Variants in FLCN observed in about 807,000 individuals in gnomAD.
The protein encoded by FLCN is folliculin, also known as BHD skin lesion fibrofolliculoma protein.
In FLCN, 22 loss-of-function variants were observed where a neutral mutation model predicts 62.5. The observed-to-expected ratio is 0.35, with a 90% CI of 0.25 to 0.50. The LOEUF is 0.50. Ranked by LOEUF, FLCN falls within the 20% of genes least tolerant of loss-of-function variation. The probability of loss-of-function intolerance (pLI) is 0.97; values close to 1 mark genes in which losing one functional copy is unlikely to be tolerated. For synonymous variants in FLCN, 319 were observed against 310.0 expected (o/e 1.03, Z -0.30); for missense variants, 657 against 778.0 (o/e 0.84, Z 1.85).
In FLCN at chr17:17,215,242, A is replaced by C. The variant is rs1229110607; in HGVS notation, c.1375T>G (p.Ser459Ala). The C allele has an allele frequency of 1.2e-6, 2 of 1,614,186 alleles. No individual in the cohort carries two copies. Among genetic ancestry groups the C allele is most frequent in the Non-Finnish European group, 1.7e-6 (2 of 1,180,042 alleles). The change falls in exon 12 of 14, where the codon TCT becomes GCT. Residue 459 changes from serine to alanine, a missense_variant. By Grantham distance (99) the Ser-to-Ala change is moderately conservative (BLOSUM62 1). Transcript: ENST00000285071. ...ACCACAAACTCGTACTTGCTGAGAGACTGGTCATCCTCACACCCCACAGGG... is the reference window on the plus strand; with the variant it reads ...ACCACAAACTCGTACTTGCTGAGAGCCTGGTCATCCTCACACCCCACAGGG... ...LHPVGCEDDQ[S>A]LSKYEFVVTS...
At chr17:17,221,021 G>A in intron 8 of FLCN, 1 of 557,852 alleles carries the variant, frequency 1.8e-6, no homozygotes, top group Non-Finnish European at 2.9e-6. Context: ...GGAAAGCTTG[G>A]CCAAGACTGG....
chr17:17,226,610 C>A (rs1708620), intron 4 of FLCN, among the ~76,000 whole-genome samples: 3 of 151,898 alleles, frequency 2.0e-5, no homozygotes, highest in African/African-American at 7.3e-5. Flanking sequence ...ATCCCAAGTG[C>A]CACCCTCTGA....
At chr17:17,235,288 A>G (rs2047550962) in intron 1 of FLCN, 1 of 152,060 alleles carries the variant, frequency 6.6e-6, no homozygotes, top group South Asian at 2.1e-4. Flanking sequence ...TTCAAAAAAT[A>G]CAAAATACGA....
intron 1 of FLCN, among the ~76,000 whole-genome samples, chr17:17,233,173 G>A (rs2047472156): frequency 6.6e-6 from 1 of 152,094 alleles, no homozygotes; most frequent in Admixed American, 6.5e-5. Flanking sequence ...GGGTCTTGAG[G>A]CCAGCTCAGT....
At chr17:17,214,318 A>G (rs1030678239) in intron 13 of FLCN, among the ~76,000 whole-genome samples, 4 of 151,216 alleles carry the variant, frequency 2.6e-5, no homozygotes, top group East Asian at 1.9e-4. Flanking sequence ...CCGGGGGGCC[A>G]GGTGCAGTGG....
intron 9 of FLCN, among the ~76,000 whole-genome samples, chr17:17,217,937 C>A (rs189059119): frequency 6.6e-6 from 1 of 152,254 alleles, no homozygotes; most frequent in African/African-American, 2.4e-5. Context: ...AATTCCAGAC[C>A]CCTTCCAACC....
At position 17,223,800 on chromosome 17, in the gene FLCN, C is replaced by A. The variant is rs568614819; in HGVS notation, c.618+122G>T. The A allele has an allele frequency of 2.7e-5, 26 of 979,600 alleles. No individual in the cohort carries two copies. The Middle Eastern group carries it at 8.8e-4, about 33-fold the overall frequency. 60.7% of individuals were successfully genotyped at this position (979,600 alleles called of 1,614,324 possible). A position where few individuals can be genotyped will look rare whatever the true frequency, so the allele number is the denominator to read the frequency against. ...TGAAGCCAAGAGACTACAATTCACA[C>A]AGTGCACTGGCTGTAAGCAGAGGGG... On this transcript the variant is annotated intron_variant, in intron 6 of 13. Coordinates refer to ENST00000285071, the MANE Select transcript of FLCN (RefSeq NM_144997.7).
chr17:17,224,530 A>T (rs1361177826), intron 5 of FLCN: 3 of 366,508 alleles, frequency 8.2e-6, no homozygotes, highest in Non-Finnish European at 5.2e-6. Context: ...CGCACATTTT[A>T]TTCTTTCTTT....
chr17:17,216,265 C>T lies in FLCN; in HGVS notation c.1300+115G>A. On this transcript the variant is annotated intron_variant, in intron 11 of 13. Coordinates refer to ENST00000285071, the MANE Select transcript of FLCN (RefSeq NM_144997.7). The surrounding 1 kb of genome is among the most constrained non-coding windows in gnomAD (Gnocchi z 4.0). Reference sequence around the variant, plus strand: ...GCCCAGAGCCATGGGGGAAGCTGGCCCTGCAATGAGGCCTCCTCTCCACAA... The same window carrying T: ...GCCCAGAGCCATGGGGGAAGCTGGCTCTGCAATGAGGCCTCCTCTCCACAA... The T allele has an allele frequency of 6.8e-7, 1 of 1,467,426 alleles. No individual in the cohort carries two copies. The highest frequency in any genetic ancestry group is 9.2e-7 in the Non-Finnish European group (1 of 1,082,824). The allele number at this position is 1,467,426 out of a possible 1,614,324, so 90.9% of individuals were successfully genotyped here.
chr17:17,218,361 T>C (rs978595133), intron 9 of FLCN, among the ~76,000 whole-genome samples: 2 of 151,936 alleles, frequency 1.3e-5, no homozygotes, highest in East Asian at 3.9e-4. Context: ...TGTTCCTAAT[T>C]TTTTGTAAGA....
At chr17:17,223,588 T>C (rs995210656) in intron 6 of FLCN, among the ~76,000 whole-genome samples, 4 of 152,166 alleles carry the variant, frequency 2.6e-5, no homozygotes, top group Non-Finnish European at 5.9e-5. Context: ...GCTGGAGGCC[T>C]ACATTCGGTG....
chr17:17,227,791 G>T, intron 4 of FLCN, 98 bp downstream of exon 4: 1 of 1,548,084 alleles, frequency 6.5e-7, no homozygotes, highest in Non-Finnish European at 8.9e-7. Context: ...GAAGCAGTCT[G>T]TGTCACCCCG....
intron 2 of FLCN, among the ~76,000 whole-genome samples, chr17:17,232,402 C>T (rs1460909213): frequency 2.0e-5 from 3 of 152,166 alleles, no homozygotes; most frequent in Non-Finnish European, 4.4e-5. Flanking sequence ...ACTGAGAAGT[C>T]GCCCTTGGAA....
Position 17,225,872 on chromosome 17 carries a change from C to A in FLCN, c.396+304G>T, listed in dbSNP as rs192964146. 1.1e-4 allele frequency: 49 copies of A among 458,876 alleles called. No individual in the cohort carries two copies. The East Asian group carries it at 1.2e-3, about 11-fold the overall frequency. 28.4% of individuals were successfully genotyped at this position (458,876 alleles called of 1,614,324 possible). A position where few individuals can be genotyped will look rare whatever the true frequency, so the allele number is the denominator to read the frequency against. On this transcript the variant is annotated intron_variant, in intron 5 of 13. Coordinates refer to ENST00000285071, the MANE Select transcript of FLCN (RefSeq NM_144997.7). ...CTCCAGTCTGGACGACAGAGCGAGA[C>A]CCTGACACAAAAGAAGGAAAAAAGA...
intron 8 of FLCN, chr17:17,219,941 A>T (rs2047041761): frequency 6.6e-6 from 1 of 152,252 alleles, no homozygotes; most frequent in South Asian, 2.1e-4. Flanking sequence ...CCAGACAGTG[A>T]ACCACAGGAA....
Position 17,215,306 on chromosome 17 carries a change from G to T in FLCN, c.1311C>A (p.Val437=), listed in dbSNP as rs1002586963. 3.1e-6 allele frequency: 5 copies of T among 1,613,810 alleles called. No homozygotes were observed. In the African/African-American group the frequency reaches 5.3e-5, roughly 17 times the overall value. The change falls in exon 12 of 14, where the codon GTC becomes GTA. Residue 437 remains valine, a synonymous_variant. Coordinates refer to ENST00000285071, the MANE Select transcript of FLCN (RefSeq NM_144997.7). ...PPHVLSSEFA[V]IVEVHAAARS... is the part of the protein sequence containing the mutation. ...GTGCGGCTGCGTGGACCTCCACGAT[G>T]ACAGCAAACTCTGTAACAACACAAG...
At chr17:17,223,719 G>T (rs1057208189) in intron 6 of FLCN, among the ~76,000 whole-genome samples, 2 of 152,190 alleles carry the variant, frequency 1.3e-5, no homozygotes, top group Admixed American at 6.5e-5. Context: ...ACGGGCACAA[G>T]AGAGACCAGC....
rs1202699948 is a variant in FLCN, at chr17:17,212,660, C to G, written c.*995G>C. On this transcript the variant is annotated 3_prime_UTR_variant, in exon 14 of 14. Transcript: ENST00000285071. Reference sequence around the variant, plus strand: ...AATTAGCTGGGCATAGTGGCGGGCACCTGTAGTTCCAGCTACTCTGGAGGC... The same window carrying G: ...AATTAGCTGGGCATAGTGGCGGGCAGCTGTAGTTCCAGCTACTCTGGAGGC... 1 of 179,110 alleles carries G rather than the reference C, an allele frequency of 5.6e-6. No homozygotes were observed. Among genetic ancestry groups the G allele is most frequent in the African/African-American group, 2.4e-5 (1 of 42,164 alleles). 11.1% of individuals were successfully genotyped at this position (179,110 alleles called of 1,614,324 possible). A position where few individuals can be genotyped will look rare whatever the true frequency, so the allele number is the denominator to read the frequency against.
Position 17,221,598 on chromosome 17 carries a change from G to A in FLCN, c.810C>T (p.Thr270=), listed in dbSNP as rs372342796. The A allele has an allele frequency of 4.3e-6, 7 of 1,610,028 alleles. No homozygotes were observed. The highest frequency in any genetic ancestry group is 4.5e-5 in the East Asian group (2 of 44,888). The change falls in exon 8 of 14, where the codon ACC becomes ACT. Residue 270 remains threonine (T), a synonymous_variant. Coordinates refer to ENST00000285071, the MANE Select transcript of FLCN (RefSeq NM_144997.7). ...WLLKACGSRL[T]EKLLEGAPTE... is the part of the protein sequence containing the mutation. Reference sequence around the variant, plus strand: ...TCGGAGCACCTTCCAGGAGCTTCTCGGTCAGCCGGCTGCCACACGCCTTCA... The same window carrying A: ...TCGGAGCACCTTCCAGGAGCTTCTCAGTCAGCCGGCTGCCACACGCCTTCA...
Sources: gnomAD v4.1 joint callset for allele counts (sites outside exome capture counted in the v4.1 genomes callset) on GRCh38, gnomAD v4.1.1 for gene constraint, Gnocchi (gnomAD v3.1) non-coding constraint, MANE v1.5 for transcripts, NCBI Gene and HGNC (gene_info 2026-07-23, HGNC 2026-07-21) for gene names.